ISCA2: variants seen among roughly 807,000 people sequenced by gnomAD.
The protein encoded by ISCA2 is iron-sulfur cluster assembly 2 homolog, mitochondrial.
A neutral mutation model predicts 19.1 loss-of-function variants in ISCA2; 21 were observed. The observed-to-expected ratio is 1.10, with a 90% confidence interval of 0.78 to 1.59. The LOEUF is 1.59. Among genes scored for constraint, ISCA2 ranks in the 40% most tolerant of loss-of-function variants. The pLI, the probability that ISCA2 is intolerant of heterozygous loss-of-function variation, is 0.00. For synonymous variants in ISCA2, 107 were observed against 83.8 expected, an observed-to-expected ratio of 1.28 and a Z score of -1.51; for missense variants, 181 against 191.7, an observed-to-expected ratio of 0.94 and a Z score of 0.33.
chr14:74,495,897 A>T lies in ISCA2; in HGVS notation c.*897A>T, dbSNP rs1043569213. 6.6e-6 allele frequency: 1 copy of T among 152,240 alleles called. No individual in the cohort carries two copies. Among genetic ancestry groups the T allele is most frequent in the African/African-American group, 2.4e-5 (1 of 41,456 alleles). 9.4% of individuals were successfully genotyped at this position (152,240 alleles called of 1,614,324 possible). A position where few individuals can be genotyped will look rare whatever the true frequency, so the allele number is the denominator to read the frequency against. ...TCAGGTAAATAATTTTTTAGTATGC[A>T]TATGTCTCAAATATTGCATATACTA... On this transcript the variant is annotated 3_prime_UTR_variant, in exon 4 of 4. Transcript: ENST00000556816.
Position 74,495,804 on chromosome 14 carries a change from A to G in ISCA2, c.*804A>G, listed in dbSNP as rs1019752827. 2 of 152,232 alleles carry G rather than the reference A, an allele frequency of 1.3e-5. No homozygotes were observed. The highest frequency in any genetic ancestry group is 1.3e-4 in the Admixed American group (2 of 15,290). 9.4% of individuals were successfully genotyped at this position (152,232 alleles called of 1,614,324 possible). On this transcript the variant is annotated 3_prime_UTR_variant, in exon 4 of 4. Coordinates refer to ENST00000556816, the MANE Select transcript of ISCA2 (RefSeq NM_194279.4). ...ATCCCTTTATTGTTATAGGTAATAG[A>G]TTCTTGGGAACCTTTTTTTAGATTG... is the stretch of plus-strand genomic sequence containing the variant.
At chr14:74,494,480 G>T in intron 3 of ISCA2, 90 bp downstream of exon 3, 1 of 926,532 alleles carries the variant, frequency 1.1e-6, no homozygotes, top group Non-Finnish European at 1.7e-6. Context: ...AAATTTAAAG[G>T]GTTTACCTGG....
chr14:74,493,821 C>A lies in ISCA2; in HGVS notation c.47C>A (p.Ala16Glu). The change falls in exon 1 of 4, where the codon GCG becomes GAG. Residue 16 changes from alanine to glutamate, a missense_variant. Ala to Glu is a moderately radical substitution (Grantham distance 107). Transcript: ENST00000556816. This position sits in a 1 kb window ranked among gnomAD's most constrained non-coding sequence, Gnocchi z 4.1. ...TCCCTAACGGCCGCGACGCAGAGAG[C>A]GGTCACTCCCTGGCCGAGGGGCAGG... ...GSSLTAATQR[A>E]VTPWPRGRLL... The A allele has an allele frequency of 6.5e-7, 1 of 1,545,804 alleles. No individual in the cohort carries two copies. The highest frequency in any genetic ancestry group is 1.2e-5 in the South Asian group (1 of 82,570).
intron 1 of ISCA2, 35 bp from the exon 2 acceptor site, chr14:74,494,015 C>A: frequency 6.6e-7 from 1 of 1,519,242 alleles, no homozygotes; most frequent in Non-Finnish European, 8.9e-7. Context: ...GGTGCCCCTT[C>A]TGCTCCCGGG....
rs1457903575 is a variant in ISCA2, at chr14:74,496,888, G to A, written c.*1888G>A. 1.4e-5 allele frequency: 2 copies of A among 147,270 alleles called. No individual in the cohort carries two copies. Among genetic ancestry groups the A allele is most frequent in the Admixed American group, 1.4e-4 (2 of 14,248 alleles). The allele number at this position is 147,270 out of a possible 1,614,324, so 9.1% of individuals were successfully genotyped here. ...CCCAGCACTTTGGGAGGCCAAAGCA[G>A]GCAGATCACCTGAGGTCAGGAGTTT... On this transcript the variant is annotated 3_prime_UTR_variant, in exon 4 of 4. Transcript: ENST00000556816.
At position 74,494,103 on chromosome 14, in the gene ISCA2, G is replaced by A. The variant is rs749217402; in HGVS notation, c.125G>A (p.Ser42Asn). ...GCGCGTCGGGAGGCGTCGTCCTCCA[G>A]CCCCGAGGCCGGCGAAGGGCAGATC... ...PQARREASSSSPEAGEGQIRL... is the reference protein window; with the variant it reads ...PQARREASSSNPEAGEGQIRL... Residue 42 changes from serine to asparagine, a missense_variant, in exon 2 of 4, where the codon AGC becomes AAC. Transcript: ENST00000556816. 29 of 1,573,472 alleles carry A rather than the reference G, an allele frequency of 1.8e-5. No homozygotes were observed. The highest frequency in any genetic ancestry group is 2.4e-5 in the Non-Finnish European group (28 of 1,162,634).
At position 74,496,719 on chromosome 14, in the gene ISCA2, A is replaced by G. The variant is rs1436438451; in HGVS notation, c.*1719A>G. ...CAGAACAGCTTTTGTTGCTAAATCAATCAAATTACAGTGGTGCACTAGACA... is the reference window on the plus strand; with the variant it reads ...CAGAACAGCTTTTGTTGCTAAATCAGTCAAATTACAGTGGTGCACTAGACA... On this transcript the variant is annotated 3_prime_UTR_variant, in exon 4 of 4. Coordinates refer to ENST00000556816, the MANE Select transcript of ISCA2 (RefSeq NM_194279.4). The G allele has an allele frequency of 6.6e-6, 1 of 152,248 alleles. No homozygotes were observed. The highest frequency in any genetic ancestry group is 2.4e-5 in the African/African-American group (1 of 41,466). The allele number at this position is 152,248 out of a possible 1,614,324, so 9.4% of individuals were successfully genotyped here. A position where few individuals can be genotyped will look rare whatever the true frequency, so the allele number is the denominator to read the frequency against.
chr14:74,494,412 C>T (rs752562002), intron 3 of ISCA2, 22 bp downstream of exon 3: 1 of 1,559,014 alleles, frequency 6.4e-7, no homozygotes, highest in East Asian at 2.2e-5. Flanking sequence ...GGGGTGGGCC[C>T]CCAAAGGAGG....
In ISCA2 at chr14:74,494,649, C is replaced by T. The variant is rs1468503; in HGVS notation, c.291-177C>T. 0.23 allele frequency: 144,957 copies of T among 632,960 alleles called. 18,142 individuals are homozygous for T. Among genetic ancestry groups the T allele is most frequent in the East Asian group, 0.42 (15,297 of 36,558 alleles). The allele number at this position is 632,960 out of a possible 1,614,324, so 39.2% of individuals were successfully genotyped here. ...TAGATTCCAGGCTTAAGTCCCTACACGTTTCCCAGTATTTATTCCATTGAA... is the reference window on the plus strand; with the variant it reads ...TAGATTCCAGGCTTAAGTCCCTACATGTTTCCCAGTATTTATTCCATTGAA... On this transcript the variant is annotated intron_variant, in intron 3 of 3. Coordinates refer to ENST00000556816, the MANE Select transcript of ISCA2 (RefSeq NM_194279.4).
At chr14:74,494,223 G>C in intron 2 of ISCA2, 52 bp from the exon 3 acceptor site, 1 of 1,592,312 alleles carries the variant, frequency 6.3e-7, no homozygotes, top group Non-Finnish European at 8.6e-7. Flanking sequence ...TCTTCACTCA[G>C]CCCTTTAACT....
At chr14:74,494,481 G>A in intron 3 of ISCA2, 91 bp downstream of exon 3, 2 of 927,016 alleles carry the variant, frequency 2.2e-6, no homozygotes, top group South Asian at 1.4e-5. Flanking sequence ...AATTTAAAGG[G>A]TTTACCTGGG....
Position 74,493,792 on chromosome 14 carries a change from G to T in ISCA2, c.18G>T (p.Gly6=). The change falls in exon 1 of 4, where the codon GGG becomes GGT. Residue 6 remains glycine, a synonymous_variant. Transcript: ENST00000556816. The surrounding 1 kb of genome is among the most constrained non-coding windows in gnomAD (Gnocchi z 4.1). MAAAW[G]SSLTAATQRA... is the part of the protein sequence containing the mutation. ...GGAGGAAGATGGCTGCCGCCTGGGG[G>T]TCGTCCCTAACGGCCGCGACGCAGA... is the stretch of plus-strand genomic sequence containing the variant. 3 of 1,533,664 alleles carry T rather than the reference G, an allele frequency of 2.0e-6. No individual in the cohort carries two copies. The highest frequency in any genetic ancestry group is 2.6e-6 in the Non-Finnish European group (3 of 1,143,018).
intron 3 of ISCA2, 120 bp downstream of exon 3, chr14:74,494,510 C>G: frequency 5.5e-6 from 4 of 733,216 alleles, no homozygotes; most frequent in Non-Finnish European, 9.3e-6. Flanking sequence ...CACCGCCCGT[C>G]TCACAGTGAG....
chr14:74,495,716 G>T lies in ISCA2; in HGVS notation c.*716G>T, dbSNP rs1055472639. 3 of 152,170 alleles carry T rather than the reference G, an allele frequency of 2.0e-5. No homozygotes were observed. Among genetic ancestry groups the T allele is most frequent in the Non-Finnish European group, 4.4e-5 (3 of 68,040 alleles). 9.4% of individuals were successfully genotyped at this position (152,170 alleles called of 1,614,324 possible). A position where few individuals can be genotyped will look rare whatever the true frequency, so the allele number is the denominator to read the frequency against. On this transcript the variant is annotated 3_prime_UTR_variant, in exon 4 of 4. Coordinates refer to ENST00000556816, the MANE Select transcript of ISCA2 (RefSeq NM_194279.4). ...CAATTTAATGACTGAATCTTTTTAG[G>T]ATATGTTGCTTTACCTGCCTTCTGT...
rs920284164 is a variant in ISCA2 at position 74,495,190 on chromosome 14, C to T, written c.*190C>T. The T allele has an allele frequency of 1.2e-5, 7 of 572,078 alleles. No individual in the cohort carries two copies. Among genetic ancestry groups the T allele is most frequent in the African/African-American group, 3.8e-5 (2 of 53,104 alleles). 35.4% of individuals were successfully genotyped at this position (572,078 alleles called of 1,614,324 possible). ...TTTACTCTTGGCTTAATTTTTCCCT[C>T]CACTCAGTGCTAAGGCTGAGCCTCC... On this transcript the variant is annotated 3_prime_UTR_variant, in exon 4 of 4. Coordinates refer to ENST00000556816, the MANE Select transcript of ISCA2 (RefSeq NM_194279.4).
At position 74,495,386 on chromosome 14, in the gene ISCA2, A is replaced by G. The variant is rs1055441192; in HGVS notation, c.*386A>G. The G allele has an allele frequency of 6.3e-6, 1 of 158,542 alleles. No homozygotes were observed. The highest frequency in any genetic ancestry group is 2.4e-5 in the African/African-American group (1 of 41,708). 9.8% of individuals were successfully genotyped at this position (158,542 alleles called of 1,614,324 possible). On this transcript the variant is annotated 3_prime_UTR_variant, in exon 4 of 4. Transcript: ENST00000556816. ...AAAGAAGGTTCTTATTGTGTTGTGGATCAGGGTCACAGATTGGGTAGCTTG... is the reference window on the plus strand; with the variant it reads ...AAAGAAGGTTCTTATTGTGTTGTGGGTCAGGGTCACAGATTGGGTAGCTTG...
Position 74,496,263 on chromosome 14 carries a change from T to A in ISCA2, c.*1263T>A, listed in dbSNP as rs1291246511. On this transcript the variant is annotated 3_prime_UTR_variant, in exon 4 of 4. Coordinates refer to ENST00000556816, the MANE Select transcript of ISCA2 (RefSeq NM_194279.4). ...CTAGAAGTTTGTTACAGTAAAGACT[T>A]GCATTTCTGCACTGGATTGGAATTA... 3 of 152,264 alleles carry A rather than the reference T, an allele frequency of 2.0e-5. No individual in the cohort carries two copies. The highest frequency in any genetic ancestry group is 7.2e-5 in the African/African-American group (3 of 41,468). The allele number at this position is 152,264 out of a possible 1,614,324, so 9.4% of individuals were successfully genotyped here. A position where few individuals can be genotyped will look rare whatever the true frequency, so the allele number is the denominator to read the frequency against.
At chr14:74,494,702 C>A in intron 3 of ISCA2, 124 bp from the exon 4 acceptor site, 1 of 779,698 alleles carries the variant, frequency 1.3e-6, no homozygotes, top group Non-Finnish European at 2.1e-6. Context: ...AAATCAGCAC[C>A]TGTTAAAGGT....
In ISCA2 at chr14:74,493,935, G is replaced by A. The variant is rs2086812859; in HGVS notation, c.71+90G>A. 2 of 1,481,134 alleles carry A rather than the reference G, an allele frequency of 1.4e-6. No individual in the cohort carries two copies. Among genetic ancestry groups the A allele is most frequent in the East Asian group, 2.5e-5 (1 of 40,532 alleles). The allele number at this position is 1,481,134 out of a possible 1,614,324, so 91.7% of individuals were successfully genotyped here. A position where few individuals can be genotyped will look rare whatever the true frequency, so the allele number is the denominator to read the frequency against. Reference sequence around the variant, plus strand: ...ACTAAGGCCTGTGGGGGATGCGAGGGTTTGGTGGGAGGCCGTCCAGGTGGG... The same window carrying A: ...ACTAAGGCCTGTGGGGGATGCGAGGATTTGGTGGGAGGCCGTCCAGGTGGG... On this transcript the variant is annotated intron_variant, in intron 1 of 3. Transcript: ENST00000556816. This position sits in a 1 kb window ranked among gnomAD's most constrained non-coding sequence, Gnocchi z 4.1.
Sources: allele counts gnomAD v4.1 joint callset, GRCh38; gene constraint gnomAD v4.1.1; non-coding constraint Gnocchi (gnomAD v3.1); transcripts MANE v1.5; gene names NCBI Gene and HGNC (gene_info 2026-07-23, HGNC 2026-07-21).